The following SCAP variants were observed in gnomAD, a reference collection of about 807,000 sequenced individuals.
SCAP encodes the protein sterol regulatory element-binding protein cleavage-activating protein.
SCAP carries 65 observed loss-of-function variants against 123.6 expected under a neutral mutation model. The ratio of observed to expected loss-of-function variants is 0.53; its 90% CI spans 0.43 to 0.65. The LOEUF (loss-of-function observed/expected upper bound fraction) is 0.65, where lower values mean the gene tolerates loss of function less well. SCAP is among the 30% of genes least tolerant of loss of function. The probability of loss-of-function intolerance (pLI) is 0.00; values close to 1 mark genes in which losing one functional copy is unlikely to be tolerated. For missense variants in SCAP, 1,398 were observed against 1,712.5 expected, an observed-to-expected ratio of 0.82 and a Z score of 3.24; for synonymous variants, 740 against 726.3, an observed-to-expected ratio of 1.02 and a Z score of -0.30.
At chr3:47,476,059 G>A (rs1206535735), upstream of SCAP, 1 of 151,922 alleles carries the variant, frequency 6.6e-6, no homozygotes, top group African/African-American at 2.4e-5. Context: ...TCGCCCTCTG[G>A]TGGACACCGG....
At chr3:47,430,243 G>T (rs1015485583) in intron 3 of SCAP, among the ~76,000 whole-genome samples, 1 of 152,144 alleles carries the variant, frequency 6.6e-6, no homozygotes, top group Non-Finnish European at 1.5e-5. Context: ...AGGCAGGGTG[G>T]TGTAAGGACT....
In SCAP at chr3:47,425,467, A is replaced by G. The variant is rs757288302; in HGVS notation, c.1037+18T>C. ...CTGAGCCCACCCTGTGGCCCAGTGGAGCCTGCTAGGGACCTACCCGCCATT... is the reference window on the plus strand; with the variant it reads ...CTGAGCCCACCCTGTGGCCCAGTGGGGCCTGCTAGGGACCTACCCGCCATT... On this transcript the variant is annotated intron_variant, in intron 8 of 22. Transcript: ENST00000265565. 28 of 1,611,940 alleles carry G rather than the reference A, an allele frequency of 1.7e-5. No individual in the cohort carries two copies. The highest frequency in any genetic ancestry group is 2.3e-5 in the Non-Finnish European group (27 of 1,179,294).
Position 47,414,255 on chromosome 3 carries a change from G to A in SCAP, c.3519C>T (p.Val1173=), listed in dbSNP as rs1193962394. The A allele has an allele frequency of 6.2e-7, 1 of 1,613,644 alleles. No homozygotes were observed. Among genetic ancestry groups the A allele is most frequent in the East Asian group, 2.2e-5 (1 of 44,878 alleles). ...VTSLTCTTSC[V]ISSGLDDLIS... ...TGAGGTCATCCAGGCCACTGCTGATGACACAGGAGGTGGTACAGGTAAGGG... is the reference window on the plus strand; with the variant it reads ...TGAGGTCATCCAGGCCACTGCTGATAACACAGGAGGTGGTACAGGTAAGGG... Residue 1173 remains valine (V), a synonymous_variant, in exon 22 of 23, where the codon GTC becomes GTT. Transcript: ENST00000265565.
rs374484467 is a variant in SCAP at position 47,471,867 on chromosome 3, A to G, written c.-99+3932T>C. 7.2e-5 allele frequency among the ~76,000 whole-genome samples: 11 copies of G among 152,082 alleles called. No individual in the cohort carries two copies. The East Asian group carries it at 1.7e-3, about 24-fold the overall frequency. ...TATAAAGTACATAATAAAAATTATT[A>G]TGGTGGTTCATGCCTGTAATCCCAG... is the stretch of plus-strand genomic sequence containing the variant. On this transcript the variant is annotated intron_variant, in intron 1 of 22. Coordinates refer to ENST00000265565, the MANE Select transcript of SCAP (RefSeq NM_012235.4).
intron 1 of SCAP, among the ~76,000 whole-genome samples, chr3:47,471,102 A>C (rs1309448565): frequency 6.6e-6 from 1 of 152,230 alleles, no homozygotes; most frequent in Non-Finnish European, 1.5e-5. Context: ...TTTGAGTTTT[A>C]CTATAATAAA....
At chr3:47,425,870 G>T in intron 7 of SCAP, 127 bp downstream of exon 7, 2 of 1,117,926 alleles carry the variant, frequency 1.8e-6, no homozygotes, top group Admixed American at 2.3e-5. Context: ...CAAAGCCCTA[G>T]CTCTGATGAC....
At chr3:47,421,053 G>A (rs371270622) in intron 10 of SCAP, 24 bp from the exon 11 acceptor site, 1 of 1,578,216 alleles carries the variant, frequency 6.3e-7, no homozygotes, top group Admixed American at 1.7e-5. Context: ...ACATGGGGAT[G>A]GGGGGGTGCC....
Position 47,420,810 on chromosome 3 carries a change from T to C in SCAP, c.1345-38A>G, listed in dbSNP as rs1177293626. On this transcript the variant is annotated intron_variant, in intron 11 of 22. Transcript: ENST00000265565. The surrounding 1 kb of genome is among the most constrained non-coding windows in gnomAD (Gnocchi z 5.0). ...CAGTGGTCAGGGCCTGAGTCCACCA[T>C]CCAGAGGCTGCTCGCACAGGACCGC... The C allele has an allele frequency of 3.7e-6, 6 of 1,600,196 alleles. No homozygotes were observed. The South Asian group carries it at 5.5e-5, about 15-fold the overall frequency.
chr3:47,416,225 C>A (rs2107751104), intron 18 of SCAP, among the ~76,000 whole-genome samples: 1 of 152,344 alleles, frequency 6.6e-6, no homozygotes, highest in South Asian at 2.1e-4. Flanking sequence ...AGGCACCTGG[C>A]CACTGGGTGG....
At chr3:47,422,078 G>A (rs557083597) in intron 10 of SCAP, among the ~76,000 whole-genome samples, 1 of 152,382 alleles carries the variant, frequency 6.6e-6, no homozygotes, top group South Asian at 2.1e-4. Context: ...CCTCAAAAAT[G>A]GGAAACAGGT....
chr3:47,435,903 A>G (rs1167488831), intron 2 of SCAP, among the ~76,000 whole-genome samples: 1 of 152,138 alleles, frequency 6.6e-6, no homozygotes, highest in African/African-American at 2.4e-5. Flanking sequence ...CAAAAAAATT[A>G]GCCAGGCATG....
rs1040513587 is a variant in SCAP, at chr3:47,451,185, A to G, written c.-98-8094T>C. ...ATAAACTTTTGAAGTTTAGTATAAC[A>G]TATCACAGAAAAGCACACAAATTAT... On this transcript the variant is annotated intron_variant, in intron 1 of 22. Coordinates refer to ENST00000265565, the MANE Select transcript of SCAP (RefSeq NM_012235.4). Among the ~76,000 whole-genome samples the G allele has an allele frequency of 2.5e-5, 3 of 122,206 alleles. 1 individual carries two copies. Among genetic ancestry groups the G allele is most frequent in the African/African-American group, 8.4e-5 (3 of 35,582 alleles). The allele number at this position is 122,206 out of a possible 152,430, so 80.2% of individuals were successfully genotyped here.
chr3:47,414,549 T>C, intron 21 of SCAP, 23 bp downstream of exon 21: 1 of 1,612,822 alleles, frequency 6.2e-7, no homozygotes, highest in Non-Finnish European at 8.5e-7. Context: ...CTGTACCCCC[T>C]ACCCCACCTG....
rs576834373 is a variant in SCAP at position 47,427,620 on chromosome 3, A to C, written c.458T>G (p.Leu153Arg). ...LEELCLQVTDLLPGLRKLRNL... is the reference protein window; with the variant it reads ...LEELCLQVTDRLPGLRKLRNL... ...CCTGAGCTTCCTAAGGCCTGGCAGC[A>C]GGTCGGTCACTTGCAGACACAACTC... is the stretch of plus-strand genomic sequence containing the variant. Residue 153 changes from leucine to arginine, a missense_variant, in exon 5 of 23, where the codon CTG becomes CGG. Physicochemically the swap from Leu to Arg is moderately radical, Grantham distance 102. This residue lies in a region of SCAP where 319 missense variants were observed against 432.4 expected (regional missense o/e 0.74). Coordinates refer to ENST00000265565, the MANE Select transcript of SCAP (RefSeq NM_012235.4). 1 of 1,614,186 alleles carries C rather than the reference A, an allele frequency of 6.2e-7. No homozygotes were observed. Among genetic ancestry groups the C allele is most frequent in the African/African-American group, 1.3e-5 (1 of 75,060 alleles).
intron 14 of SCAP, 34 bp downstream of exon 14, chr3:47,418,621 C>T (rs754581570): frequency 1.3e-6 from 2 of 1,527,660 alleles, no homozygotes; most frequent in East Asian, 4.6e-5. Context: ...CCTCCCCGCA[C>T]TCTTTCCCAC....
At chr3:47,454,410 T>G (rs1039076959) in intron 1 of SCAP, among the ~76,000 whole-genome samples, 1 of 151,518 alleles carries the variant, frequency 6.6e-6, no homozygotes, top group Non-Finnish European at 1.5e-5. Context: ...TATGTGTACG[T>G]TGATTTACAT....
intron 1 of SCAP, among the ~76,000 whole-genome samples, chr3:47,461,671 G>A (rs141980115): frequency 3.3e-5 from 5 of 152,246 alleles, no homozygotes; most frequent in African/African-American, 9.6e-5. Context: ...CTCCCAGCCC[G>A]GGGAACATTT....
chr3:47,464,478 T>C (rs1006905897), intron 1 of SCAP, among the ~76,000 whole-genome samples: 2 of 152,110 alleles, frequency 1.3e-5, no homozygotes, highest in Non-Finnish European at 2.9e-5. Context: ...TAAGGTAATA[T>C]GCCACATTAC....
chr3:47,455,091 AT>A (rs34729126), intron 1 of SCAP, among the ~76,000 whole-genome samples: 184 of 90,758 alleles, frequency 2.0e-3, no homozygotes, highest in South Asian at 6.1e-3. Context: ...ATATATATAT[AT>A]ATAATCAACT....
Sources: allele counts gnomAD v4.1 joint callset (sites outside exome capture counted in the v4.1 genomes callset), GRCh38; gene constraint gnomAD v4.1.1; regional missense constraint gnomAD v4.1.1; non-coding constraint Gnocchi (gnomAD v3.1); transcripts MANE v1.5; gene names NCBI Gene and HGNC (gene_info 2026-07-23, HGNC 2026-07-21).